The following SLC1A7 variants were observed in gnomAD, a reference collection of about 807,000 sequenced individuals.
SLC1A7 encodes the protein solute carrier family 1 member 7.
A neutral mutation model predicts 47.7 loss-of-function variants in SLC1A7; 40 were observed. The ratio of observed to expected loss-of-function variants is 0.84; its 90% confidence interval spans 0.65 to 1.09. SLC1A7 has a LOEUF of 1.09. Among genes scored for constraint, SLC1A7 ranks in the 50% least tolerant of loss-of-function variants. The probability of loss-of-function intolerance (pLI) is 0.00; values close to 1 mark genes in which losing one functional copy is unlikely to be tolerated. For synonymous variants in SLC1A7, 323 were observed against 325.6 expected (o/e 0.99, Z 0.09); for missense variants, 746 against 769.5 (o/e 0.97, Z 0.36).
chr1:53,093,592 G>A, intron 5 of SLC1A7, 32 bp from the exon 6 acceptor site: 1 of 1,542,824 alleles, frequency 6.5e-7, no homozygotes, highest in Non-Finnish European at 8.8e-7. Flanking sequence ...CTGTGGTAAA[G>A]CAGGGACAGA....
Position 53,128,717 on chromosome 1 carries a change from T to G in SLC1A7, c.215+5633A>C, listed in dbSNP as rs144681737. Among the ~76,000 whole-genome samples the G allele has an allele frequency of 2.5e-4, 35 of 142,000 alleles. 5 individuals carry two copies. Among genetic ancestry groups the G allele is most frequent in the Admixed American group, 1.1e-3 (15 of 14,004 alleles). 93.2% of individuals were successfully genotyped at this position (142,000 alleles called of 152,430 possible). On this transcript the variant is annotated intron_variant, in intron 2 of 10. Transcript: ENST00000371494. The stretch of plus-strand genomic sequence containing the variant: ...CGGGTGTGCCTCAGTCAAGGGTGGC[T>G]TTCCAGGGCAGGGGACAGGTGAGCT...
rs575409996 is a variant in SLC1A7 at position 53,096,144 on chromosome 1, G to A, written c.698-2584C>T. ...CACCCCACCTCAGTACATTCACCCC[G>A]CCTTGGTACACTCACACACACCACC... is the stretch of plus-strand genomic sequence containing the variant. On this transcript the variant is annotated intron_variant, in intron 5 of 10. Transcript: ENST00000371494. 3.7e-3 allele frequency among the ~76,000 whole-genome samples: 415 copies of A among 111,110 alleles called. 1 individual carries two copies. The highest frequency in any genetic ancestry group is 0.014 in the African/African-American group (390 of 27,654). 72.9% of individuals were successfully genotyped at this position (111,110 alleles called of 152,430 possible). A position where few individuals can be genotyped will look rare whatever the true frequency, so the allele number is the denominator to read the frequency against.
chr1:53,119,396 TG>T (rs2150336688), intron 2 of SLC1A7, among the ~76,000 whole-genome samples: 1 of 152,310 alleles, frequency 6.6e-6, no homozygotes, highest in Non-Finnish European at 1.5e-5. Context: ...TTGCCCAGGC[TG>T]GGGCTCAGTG....
intron 2 of SLC1A7, among the ~76,000 whole-genome samples, chr1:53,132,776 G>C (rs1467708777): frequency 6.6e-6 from 1 of 152,222 alleles, no homozygotes; most frequent in African/African-American, 2.4e-5. Flanking sequence ...AACCCAGGAA[G>C]CCGAGGCTGC....
At chr1:53,098,575 C>G (rs1044912221) in intron 5 of SLC1A7, among the ~76,000 whole-genome samples, 3 of 151,226 alleles carry the variant, frequency 2.0e-5, no homozygotes, top group Non-Finnish European at 4.4e-5. Context: ...ACTCACACAC[C>G]CTGCCTCGGT....
intron 1 of SLC1A7, among the ~76,000 whole-genome samples, chr1:53,139,165 G>A (rs1037302209): frequency 2.0e-5 from 3 of 152,210 alleles, no homozygotes; most frequent in East Asian, 1.9e-4. Flanking sequence ...GTCAACTGAC[G>A]GCCCTCAGGG....
intron 2 of SLC1A7, among the ~76,000 whole-genome samples, chr1:53,123,574 G>A (rs1238547351): frequency 1.3e-5 from 2 of 152,212 alleles, no homozygotes; most frequent in African/African-American, 2.4e-5. Context: ...ACACCAACCC[G>A]GGGGTGGGGG....
chr1:53,130,458 G>A (rs72670879), intron 2 of SLC1A7, among the ~76,000 whole-genome samples: 14,215 of 151,686 alleles, frequency 0.094, 883 homozygotes, highest in Middle Eastern at 0.14. Context: ...GTTGGAACTG[G>A]AAGCTGGTGA....
At chr1:53,117,263 T>A (rs985123382) in intron 2 of SLC1A7, among the ~76,000 whole-genome samples, 1 of 152,098 alleles carries the variant, frequency 6.6e-6, no homozygotes, top group African/African-American at 2.4e-5. Flanking sequence ...TGAGGGTTAG[T>A]GACAGATTGG....
chr1:53,092,848 C>T (rs1425595393), intron 6 of SLC1A7, 61 bp from the exon 7 acceptor site: 1 of 1,111,340 alleles, frequency 9.0e-7, no homozygotes, highest in African/African-American at 1.5e-5. Context: ...CCGGCCCCAG[C>T]CCCGCATCGC....
chr1:53,090,124 C>G (rs1400659325), intron 8 of SLC1A7, 190 bp from the exon 9 acceptor site: 1 of 641,144 alleles, frequency 1.6e-6, no homozygotes, highest in African/African-American at 1.8e-5. Context: ...CCCCATGGAC[C>G]CCCATTCCTG....
intron 2 of SLC1A7, chr1:53,115,711 G>A (rs1644752339): frequency 6.6e-6 from 1 of 152,308 alleles, no homozygotes; most frequent in Non-Finnish European, 1.5e-5. Flanking sequence ...CTGTAAAATG[G>A]GGACATCTTG....
At chr1:53,142,067 C>T (rs929523797) in intron 1 of SLC1A7, among the ~76,000 whole-genome samples, 5 of 152,180 alleles carry the variant, frequency 3.3e-5, no homozygotes, top group African/African-American at 9.7e-5. Context: ...GAGGCACCCT[C>T]GCCTCTCCTC....
intron 2 of SLC1A7, among the ~76,000 whole-genome samples, chr1:53,134,065 C>T (rs777519676): frequency 4.6e-5 from 7 of 152,200 alleles, no homozygotes; most frequent in Non-Finnish European, 1.0e-4. Flanking sequence ...GGGAAGCCAA[C>T]CCTCAACTCC....
At chr1:53,092,308 G>C (rs549982503) in intron 7 of SLC1A7, among the ~76,000 whole-genome samples, 1 of 152,250 alleles carries the variant, frequency 6.6e-6, no homozygotes, top group African/African-American at 2.4e-5. Flanking sequence ...CTGGCGCGTC[G>C]AGGCCGCCCC....
In SLC1A7 at chr1:53,090,729, A is replaced by C; in HGVS notation, c.1109T>G (p.Leu370Arg). The C allele has an allele frequency of 1.2e-6, 2 of 1,614,058 alleles. No individual in the cohort carries two copies. Among genetic ancestry groups the C allele is most frequent in the Non-Finnish European group, 1.7e-6 (2 of 1,179,990 alleles). ...HIDRRIARFV[L>R]PVGATINMDG... Reference sequence around the variant, plus strand: ...CATGTTGATGGTGGCACCCACGGGCAGCACGAAGCGAGCGATGCGCCGGTC... The same window carrying C: ...CATGTTGATGGTGGCACCCACGGGCCGCACGAAGCGAGCGATGCGCCGGTC... The change falls in exon 8 of 11, where the codon CTG (leucine) becomes CGG (arginine). Residue 370 changes from leucine to arginine, a missense_variant. Coordinates refer to ENST00000371494, the MANE Select transcript of SLC1A7 (RefSeq NM_006671.6).
At chr1:53,128,267 G>A (rs1036295235) in intron 2 of SLC1A7, among the ~76,000 whole-genome samples, 2 of 152,168 alleles carry the variant, frequency 1.3e-5, no homozygotes, top group Non-Finnish European at 2.9e-5. Flanking sequence ...TCGAGCCCAG[G>A]AATTCAAGGC....
At chr1:53,141,572 G>A (rs1287177280) in intron 1 of SLC1A7, among the ~76,000 whole-genome samples, 1 of 152,050 alleles carries the variant, frequency 6.6e-6, no homozygotes, top group Non-Finnish European at 1.5e-5. Context: ...GCTTCTTCAT[G>A]GCAGTTACAC....
chr1:53,098,958 C>T (rs560494959), intron 5 of SLC1A7, among the ~76,000 whole-genome samples: 25 of 151,086 alleles, frequency 1.7e-4, no homozygotes, highest in African/African-American at 4.9e-4. Flanking sequence ...CTCACATACC[C>T]TGCCTCAGTA....
Sources: allele counts gnomAD v4.1 joint callset (sites outside exome capture counted in the v4.1 genomes callset), GRCh38; gene constraint gnomAD v4.1.1; transcripts MANE v1.5; gene names NCBI Gene and HGNC (gene_info 2026-07-23, HGNC 2026-07-21).